The following KLHL24 variants were observed in gnomAD, a reference collection of about 807,000 sequenced individuals.
The protein encoded by KLHL24 is kelch-like protein 24.
Under a neutral mutation model 53.4 loss-of-function variants are expected in KLHL24, and 29 were observed. The observed-to-expected ratio is 0.54, with a 90% CI of 0.40 to 0.74. KLHL24 has a LOEUF of 0.74. Ranked by LOEUF, KLHL24 falls within the 30% of genes least tolerant of loss-of-function variation. The pLI, the probability that KLHL24 is intolerant of heterozygous loss-of-function variation, is 0.00. For missense variants in KLHL24, 504 were observed against 744.0 expected, an observed-to-expected ratio of 0.68 and a Z score of 3.75; for synonymous variants, 222 against 253.7, an observed-to-expected ratio of 0.88 and a Z score of 1.19.
chr3:183,637,736 G>T (rs904253006), intron 1 of KLHL24, among the ~76,000 whole-genome samples: 1 of 152,200 alleles, frequency 6.6e-6, no homozygotes, highest in Non-Finnish European at 1.5e-5. Context: ...TCAGCTCACT[G>T]CAATCTCCGC....
chr3:183,653,636 CT>C lies in KLHL24; in HGVS notation c.920+2363del, dbSNP rs1380198781. 1.3e-5 allele frequency among the ~76,000 whole-genome samples: 2 copies of C among 152,244 alleles called. 1 individual carries two copies. Among genetic ancestry groups the C allele is most frequent in the South Asian group, 4.1e-4 (2 of 4,822 alleles). ...AGAGAAAAACAGGAACGTATAAAAC[CT>C]TTGCAAACTTGTAAAAATAGTTACA... On this transcript the variant is annotated intron_variant, in intron 3 of 7. Coordinates refer to ENST00000242810, the MANE Select transcript of KLHL24 (RefSeq NM_017644.3).
At chr3:183,678,200 G>A (rs1237712664) in intron 7 of KLHL24, among the ~76,000 whole-genome samples, 1 of 152,258 alleles carries the variant, frequency 6.6e-6, no homozygotes, top group Non-Finnish European at 1.5e-5. Flanking sequence ...ATCCCATTGT[G>A]TGGGAAGTTA....
rs372055673 is a variant in KLHL24 at position 183,651,060 on chromosome 3, G to A, written c.704G>A (p.Arg235His). The change falls in exon 3 of 8, where the codon CGT becomes CAT. Residue 235 changes from arginine (R) to histidine (H), a missense_variant. Transcript: ENST00000242810. ...GAGATGGTTTTTGAAGCCGTCATGC[G>A]TTGGGTCTATCGTGCCGTTGATCTG... ...KEEMVFEAVM[R>H]WVYRAVDLRR... 21 of 1,614,022 alleles carry A rather than the reference G, an allele frequency of 1.3e-5. No individual in the cohort carries two copies. The highest frequency in any genetic ancestry group is 1.2e-4 in the Admixed American group (7 of 60,002).
intron 2 of KLHL24, among the ~76,000 whole-genome samples, chr3:183,645,669 T>C (rs891497377): frequency 7.2e-5 from 11 of 152,198 alleles, no homozygotes; most frequent in Non-Finnish European, 1.6e-4. Context: ...ATTTAGGTAT[T>C]AAAATTAATA....
intron 7 of KLHL24, 25 bp downstream of exon 7, chr3:183,672,509 G>T (rs1370457566): frequency 1.3e-6 from 2 of 1,510,696 alleles, no homozygotes; most frequent in Admixed American, 2.1e-5. Context: ...CAGTACAAAA[G>T]AAAAATAAAT....
chr3:183,657,894 T>C (rs552152413), intron 3 of KLHL24, among the ~76,000 whole-genome samples: 2 of 152,346 alleles, frequency 1.3e-5, no homozygotes, highest in South Asian at 4.1e-4. Flanking sequence ...CCTTTATTAC[T>C]AGTTTTTTGA....
intron 2 of KLHL24, among the ~76,000 whole-genome samples, chr3:183,649,333 TTAAA>T (rs1414456385): frequency 6.6e-6 from 1 of 152,222 alleles, no homozygotes. Context: ...CCCCATGTCG[TTAAA>T]TAGTCATATA....
At chr3:183,648,369 C>G (rs946361339) in intron 2 of KLHL24, among the ~76,000 whole-genome samples, 1 of 152,076 alleles carries the variant, frequency 6.6e-6, no homozygotes, top group African/African-American at 2.4e-5. Flanking sequence ...ATTTAATATG[C>G]GACAGGGTAC....
chr3:183,654,908 A>T (rs1373694671), intron 3 of KLHL24, among the ~76,000 whole-genome samples: 1 of 152,240 alleles, frequency 6.6e-6, no homozygotes, highest in African/African-American at 2.4e-5. Context: ...AGCTAGAATT[A>T]ATCCTATGTA....
At chr3:183,641,196 TAA>T (rs1716367219) in intron 1 of KLHL24, among the ~76,000 whole-genome samples, 1 of 152,190 alleles carries the variant, frequency 6.6e-6, no homozygotes, top group African/African-American at 2.4e-5. Flanking sequence ...GGTTATTTTT[TAA>T]ATAAAAGATG....
rs767361042 is a variant in KLHL24 at position 183,671,017 on chromosome 3, A to G, written c.1225-17A>G. The G allele has an allele frequency of 5.1e-6, 8 of 1,564,084 alleles. No homozygotes were observed. Among genetic ancestry groups the G allele is most frequent in the African/African-American group, 4.1e-5 (3 of 73,306 alleles). ...GACTTTTGATAATTAAGATTTTTCCATGTATTTTACATATAGGTATATGTT... is the reference window on the plus strand; with the variant it reads ...GACTTTTGATAATTAAGATTTTTCCGTGTATTTTACATATAGGTATATGTT... On this transcript the variant is annotated splice_polypyrimidine_tract_variant and intron_variant, in intron 5 of 7. Transcript: ENST00000242810.
Position 183,683,445 on chromosome 3 carries a change from T to C in KLHL24, c.*4159T>C, listed in dbSNP as rs1248412308. ...ATTATTCTTTTTAGTTAAATAAATT[T>C]ACCATGCCAAGTAACCAGAATGGAG... On this transcript the variant is annotated 3_prime_UTR_variant, in exon 8 of 8. Coordinates refer to ENST00000242810, the MANE Select transcript of KLHL24 (RefSeq NM_017644.3). 6.6e-6 allele frequency: 1 copy of C among 152,616 alleles called. No individual in the cohort carries two copies. The highest frequency in any genetic ancestry group is 1.5e-5 in the Non-Finnish European group (1 of 68,040). 9.5% of individuals were successfully genotyped at this position (152,616 alleles called of 1,614,324 possible). A position where few individuals can be genotyped will look rare whatever the true frequency, so the allele number is the denominator to read the frequency against.
chr3:183,656,350 C>T (rs1056308091), intron 3 of KLHL24, among the ~76,000 whole-genome samples: 8 of 152,118 alleles, frequency 5.3e-5, no homozygotes, highest in African/African-American at 1.7e-4. Flanking sequence ...TCATAATTTC[C>T]TCTCTTTCCT....
At position 183,663,560 on chromosome 3, in the gene KLHL24, A is replaced by G; in HGVS notation, c.1023A>G (p.Glu341=). ...AGTGCTACGATCCTGTAACAGGAGA[A>G]TGGAAGTCTTTGGCTAAGCTTCCAG... ...YTECYDPVTG[E]WKSLAKLPEF... Residue 341 remains glutamate, a synonymous_variant, in exon 4 of 8, where the codon GAA becomes GAG. Coordinates refer to ENST00000242810, the MANE Select transcript of KLHL24 (RefSeq NM_017644.3). This position sits in a 1 kb window ranked among gnomAD's most constrained non-coding sequence, Gnocchi z 4.9. 1 of 1,608,970 alleles carries G rather than the reference A, an allele frequency of 6.2e-7. No individual in the cohort carries two copies. The highest frequency in any genetic ancestry group is 8.5e-7 in the Non-Finnish European group (1 of 1,176,870).
chr3:183,684,465 C>A lies in KLHL24; in HGVS notation c.*5179C>A, dbSNP rs748126260. ...TTAAAAGTTGTATCTAATAAAATGTCTTTTAACCATTATTACTTGACTATA... is the reference window on the plus strand; with the variant it reads ...TTAAAAGTTGTATCTAATAAAATGTATTTTAACCATTATTACTTGACTATA... On this transcript the variant is annotated 3_prime_UTR_variant, in exon 8 of 8. Coordinates refer to ENST00000242810, the MANE Select transcript of KLHL24 (RefSeq NM_017644.3). 2.0e-5 allele frequency: 3 copies of A among 152,452 alleles called. No individual in the cohort carries two copies. Among genetic ancestry groups the A allele is most frequent in the African/African-American group, 7.2e-5 (3 of 41,394 alleles). The allele number at this position is 152,452 out of a possible 1,614,324, so 9.4% of individuals were successfully genotyped here.
intron 3 of KLHL24, among the ~76,000 whole-genome samples, chr3:183,651,964 A>C (rs1273348223): frequency 6.6e-6 from 1 of 152,134 alleles, no homozygotes; most frequent in African/African-American, 2.4e-5. Context: ...AAGAAAAAAA[A>C]ATGTTTGCAC....
At chr3:183,640,062 A>G in intron 1 of KLHL24, among the ~76,000 whole-genome samples, 2 of 152,250 alleles carry the variant, frequency 1.3e-5, no homozygotes, top group Admixed American at 1.3e-4. Flanking sequence ...CTAACAGAAA[A>G]CATAACTATA....
At position 183,663,578 on chromosome 3, in the gene KLHL24, G is replaced by A. The variant is rs934622936; in HGVS notation, c.1041G>A (p.Lys347=). 1 of 1,607,510 alleles carries A rather than the reference G, an allele frequency of 6.2e-7. No homozygotes were observed. Among genetic ancestry groups the A allele is most frequent in the Non-Finnish European group, 8.5e-7 (1 of 1,176,144 alleles). The change falls in exon 4 of 8, where the codon AAG becomes AAA. Residue 347 remains lysine, a synonymous_variant. Transcript: ENST00000242810. The surrounding 1 kb of genome is among the most constrained non-coding windows in gnomAD (Gnocchi z 4.9). ...CAGGAGAATGGAAGTCTTTGGCTAA[G>A]CTTCCAGAATTTACCAAATCAGAGT... is the stretch of plus-strand genomic sequence containing the variant. ...PVTGEWKSLA[K]LPEFTKSEYA... is the part of the protein sequence containing the mutation.
intron 4 of KLHL24, among the ~76,000 whole-genome samples, chr3:183,664,708 T>C (rs938690066): frequency 3.4e-4 from 51 of 152,238 alleles, no homozygotes; most frequent in African/African-American, 1.2e-3. Context: ...AATTATCACT[T>C]ATCAAGATAA....
Sources: gnomAD v4.1 joint callset for allele counts (sites outside exome capture counted in the v4.1 genomes callset) on GRCh38, gnomAD v4.1.1 for gene constraint, Gnocchi (gnomAD v3.1) non-coding constraint, MANE v1.5 for transcripts, NCBI Gene and HGNC (gene_info 2026-07-23, HGNC 2026-07-21) for gene names.